Variants in CHUK observed in about 807,000 individuals in gnomAD.
CHUK encodes the protein inhibitor of nuclear factor kappa-B kinase subunit alpha.
Under a neutral mutation model 104.8 loss-of-function variants are expected in CHUK, and 35 were observed. The observed-to-expected ratio is 0.33, with a 90% CI of 0.26 to 0.44. CHUK has a LOEUF of 0.44. CHUK is among the 20% of genes least tolerant of loss of function. The probability of loss-of-function intolerance (pLI) is 1.00; values close to 1 mark genes in which losing one functional copy is unlikely to be tolerated. For synonymous variants in CHUK, 276 were observed against 291.9 expected, an observed-to-expected ratio of 0.95 and a Z score of 0.56; for missense variants, 663 against 902.7, an observed-to-expected ratio of 0.73 and a Z score of 3.40.
chr10:100,216,202 T>A (rs1031176524), intron 9 of CHUK, among the ~76,000 whole-genome samples: 1 of 152,184 alleles, frequency 6.6e-6, no homozygotes. Context: ...ATGATTCCTA[T>A]GACAAGTATG....
At chr10:100,197,265 A>G (rs7358170) in intron 16 of CHUK, among the ~76,000 whole-genome samples, 7,436 of 152,298 alleles carry the variant, frequency 0.049, 604 homozygotes, top group African/African-American at 0.17. Flanking sequence ...TGGGACTACC[A>G]TAGTATACAC....
intron 12 of CHUK, 38 bp downstream of exon 12, chr10:100,205,038 A>T (rs1845558331): frequency 6.2e-7 from 1 of 1,612,552 alleles, no homozygotes; most frequent in South Asian, 1.1e-5. Context: ...TATATGATGC[A>T]CATTGCATTG....
downstream of CHUK, chr10:100,187,695 G>A (rs1845085078): frequency 6.6e-6 from 1 of 152,174 alleles, no homozygotes. Flanking sequence ...AGTCTGTTCT[G>A]ACTCACACCA....
chr10:100,208,416 A>G (rs1845641140), intron 10 of CHUK, among the ~76,000 whole-genome samples: 1 of 152,214 alleles, frequency 6.6e-6, no homozygotes, highest in African/African-American at 2.4e-5. Flanking sequence ...AAGAAGGAAT[A>G]TTAACTGGGA....
intron 19 of CHUK, chr10:100,192,997 G>A: frequency 7.8e-6 from 3 of 386,664 alleles, no homozygotes; most frequent in Non-Finnish European, 1.4e-5. Flanking sequence ...CTTGGACTTA[G>A]CTAATAATAA....
At chr10:100,214,500 G>T (rs958917810) in intron 9 of CHUK, among the ~76,000 whole-genome samples, 14 of 152,202 alleles carry the variant, frequency 9.2e-5, no homozygotes, top group Admixed American at 7.9e-4. Context: ...GCTAAACTTT[G>T]AAATGAAAGA....
intron 11 of CHUK, among the ~76,000 whole-genome samples, chr10:100,205,788 C>T (rs1033071531): frequency 2.6e-5 from 4 of 152,052 alleles, no homozygotes; most frequent in South Asian, 2.1e-4. Context: ...ATTAGCTGGG[C>T]GTGGTGGTGT....
intron 3 of CHUK, 46 bp from the exon 4 acceptor site, chr10:100,222,227 G>C (rs1469276971): frequency 1.0e-6 from 1 of 995,300 alleles, no homozygotes; most frequent in Non-Finnish European, 1.6e-6. Flanking sequence ...AAATTGCTGG[G>C]CTGCAATAGT....
chr10:100,225,517 G>C (rs1846084613), intron 2 of CHUK, among the ~76,000 whole-genome samples: 2 of 152,156 alleles, frequency 1.3e-5, no homozygotes, highest in Non-Finnish European at 2.9e-5. Context: ...ATACTGGGTT[G>C]CTTTTACCTT....
rs1007823838 is a variant in CHUK, at chr10:100,219,258, A to G, written c.564+12T>C. On this transcript the variant is annotated intron_variant, in intron 6 of 20. Coordinates refer to ENST00000370397, the MANE Select transcript of CHUK (RefSeq NM_001278.5). ...TACACACTTAAATTCAAAGAAACAA[A>G]ACAGGTCTCACCAGATACTGCAGTG... 1.3e-5 allele frequency: 20 copies of G among 1,576,710 alleles called. No homozygotes were observed. Among genetic ancestry groups the G allele is most frequent in the Non-Finnish European group, 1.7e-5 (20 of 1,146,040 alleles).
At chr10:100,186,940 A>G (rs2134198482), downstream of CHUK, 1 of 152,328 alleles carries the variant, frequency 6.6e-6, no homozygotes, top group African/African-American at 2.4e-5. Context: ...ACTTCAGATC[A>G]TCAGGCATTA....
intron 1 of CHUK, among the ~76,000 whole-genome samples, chr10:100,229,009 A>G (rs1846172624): frequency 6.7e-6 from 1 of 149,728 alleles, no homozygotes; most frequent in South Asian, 2.1e-4. Flanking sequence ...ACACACACAC[A>G]CACACACACA....
chr10:100,216,134 T>C (rs966554966), intron 9 of CHUK, among the ~76,000 whole-genome samples: 1 of 152,242 alleles, frequency 6.6e-6, no homozygotes, highest in Non-Finnish European at 1.5e-5. Context: ...ATGTGGACTC[T>C]TTCCCCGTGC....
chr10:100,224,529 C>T (rs1478127140), intron 2 of CHUK, among the ~76,000 whole-genome samples: 7 of 150,714 alleles, frequency 4.6e-5, no homozygotes, highest in African/African-American at 7.3e-5. Flanking sequence ...CTCCGCCTCC[C>T]GGGTTCAAGC....
chr10:100,202,443 G>C (rs1190179706), intron 13 of CHUK, among the ~76,000 whole-genome samples: 1 of 152,212 alleles, frequency 6.6e-6, no homozygotes, highest in Admixed American at 6.5e-5. Flanking sequence ...AGGGGAGAAT[G>C]CTCTGTGACA....
chr10:100,189,387 T>G lies in CHUK; in HGVS notation c.*211A>C. ...TTCAAACAAGTACATTGACTTTTTCTAAATTCCTGTCTGTTTAGAGGCTTG... is the reference window on the plus strand; with the variant it reads ...TTCAAACAAGTACATTGACTTTTTCGAAATTCCTGTCTGTTTAGAGGCTTG... On this transcript the variant is annotated 3_prime_UTR_variant, in exon 21 of 21. Transcript: ENST00000370397. The G allele has an allele frequency of 1.8e-6, 1 of 540,802 alleles. No homozygotes were observed. The highest frequency in any genetic ancestry group is 3.3e-6 in the Non-Finnish European group (1 of 301,390). 33.5% of individuals were successfully genotyped at this position (540,802 alleles called of 1,614,324 possible).
rs1364390508 is a variant in CHUK at position 100,188,858 on chromosome 10, CAT to C, written c.*738_*739del. 1.3e-5 allele frequency: 2 copies of C among 152,242 alleles called. No individual in the cohort carries two copies. The highest frequency in any genetic ancestry group is 2.1e-4 in the South Asian group (1 of 4,828). 9.4% of individuals were successfully genotyped at this position (152,242 alleles called of 1,614,324 possible). A position where few individuals can be genotyped will look rare whatever the true frequency, so the allele number is the denominator to read the frequency against. ...TGACTCATTTTTACAAATGAAAAAA[CAT>C]GTAATTTTCAAATACATTATAAATT... is the stretch of plus-strand genomic sequence containing the variant. On this transcript the variant is annotated 3_prime_UTR_variant, in exon 21 of 21. Coordinates refer to ENST00000370397, the MANE Select transcript of CHUK (RefSeq NM_001278.5).
Position 100,209,865 on chromosome 10 carries a change from T to TATTC in CHUK, c.934-77_934-76insGAAT, listed in dbSNP as rs1845683566. 4 of 700,570 alleles carry TATTC rather than the reference T, an allele frequency of 5.7e-6. No individual in the cohort carries two copies. The Admixed American group carries it at 8.8e-5, about 15-fold the overall frequency. 43.4% of individuals were successfully genotyped at this position (700,570 alleles called of 1,614,324 possible). A position where few individuals can be genotyped will look rare whatever the true frequency, so the allele number is the denominator to read the frequency against. ...AGATTCGCTGCCAGATACTAAAAGGTGAATATGGGCAAAAGGCATTATTTC... is the reference window on the plus strand; with the variant it reads ...AGATTCGCTGCCAGATACTAAAAGGTATTCGAATATGGGCAAAAGGCATTATTTC... On this transcript the variant is annotated intron_variant, in intron 9 of 20. Transcript: ENST00000370397.
At chr10:100,217,141 G>A (rs138120195) in intron 9 of CHUK, among the ~76,000 whole-genome samples, 191 of 151,904 alleles carry the variant, frequency 1.3e-3, no homozygotes, top group African/African-American at 4.5e-3. Flanking sequence ...AAGGAGCAGT[G>A]ACAAGCTGGT....
Sources: allele counts gnomAD v4.1 joint callset (sites outside exome capture counted in the v4.1 genomes callset), GRCh38; gene constraint gnomAD v4.1.1; transcripts MANE v1.5; gene names NCBI Gene and HGNC (gene_info 2026-07-23, HGNC 2026-07-21).